The following SETD3 variants were observed in gnomAD, a reference collection of about 807,000 sequenced individuals.
The protein encoded by SETD3 is SET domain containing 3, actin N3(tau)-histidine methyltransferase.
SETD3 carries 19 observed loss-of-function variants against 63.0 expected under a neutral mutation model. The observed-to-expected ratio is 0.30, with a 90% confidence interval of 0.21 to 0.44. The LOEUF is 0.44. Among genes scored for constraint, SETD3 ranks in the 20% least tolerant of loss-of-function variants. The pLI, the probability that SETD3 is intolerant of heterozygous loss-of-function variation, is 1.00. For missense variants in SETD3, 587 were observed against 728.5 expected (o/e 0.81, Z 2.24); for synonymous variants, 286 against 264.1 (o/e 1.08, Z -0.80).
At chr14:99,484,790 A>G (rs1170192086), upstream of SETD3, among the ~76,000 whole-genome samples, 1 of 152,240 alleles carries the variant, frequency 6.6e-6, no homozygotes, top group Non-Finnish European at 1.5e-5. Flanking sequence ...GGGGATTTCG[A>G]TATTGGGTGA....
chr14:99,421,659 C>T (rs566798542), intron 6 of SETD3, among the ~76,000 whole-genome samples: 7 of 152,114 alleles, frequency 4.6e-5, no homozygotes, highest in East Asian at 1.9e-4. Context: ...CGCTCTGTGC[C>T]GGGCACTCTA....
intron 8 of SETD3, chr14:99,412,039 T>C (rs182833683): frequency 1.4e-4 from 21 of 152,368 alleles, no homozygotes; most frequent in South Asian, 1.0e-3. Flanking sequence ...TTCTTTATTC[T>C]ATTTATAATA....
At position 99,465,960 on chromosome 14, in the gene SETD3, G is replaced by A. The variant is rs142438779; in HGVS notation, c.-8-147C>T. ...GAAGTTTTCTTCCAGAAAAAGAAATGTGTAGTATTAGTATCTAGAGGTTCT... is the reference window on the plus strand; with the variant it reads ...GAAGTTTTCTTCCAGAAAAAGAAATATGTAGTATTAGTATCTAGAGGTTCT... On this transcript the variant is annotated intron_variant, in intron 1 of 12. Transcript: ENST00000331768. The A allele has an allele frequency of 2.8e-5, 15 of 535,738 alleles. No individual in the cohort carries two copies. The East Asian group carries it at 3.7e-4, about 13-fold the overall frequency. The allele number at this position is 535,738 out of a possible 1,614,324, so 33.2% of individuals were successfully genotyped here. A position where few individuals can be genotyped will look rare whatever the true frequency, so the allele number is the denominator to read the frequency against.
chr14:99,465,788 T>C lies in SETD3; in HGVS notation c.18A>G (p.Arg6=), dbSNP rs1357991261. 6.2e-7 allele frequency: 1 copy of C among 1,613,918 alleles called. No individual in the cohort carries two copies. The highest frequency in any genetic ancestry group is 2.2e-5 in the East Asian group (1 of 44,874). The change falls in exon 2 of 13, where the codon CGA becomes CGG. Residue 6 remains arginine (R), a synonymous_variant. Coordinates refer to ENST00000331768, the MANE Select transcript of SETD3 (RefSeq NM_032233.3). ...CAGTGCCAGATTTCTGAGTTTTTAC[T>C]CGACTCTTCTTACCCATTTTTCTGA... MGKKS[R]VKTQKSGTGA...
chr14:99,470,715 C>G (rs568526610), intron 1 of SETD3, among the ~76,000 whole-genome samples: 1 of 152,320 alleles, frequency 6.6e-6, no homozygotes, highest in African/African-American at 2.4e-5. Context: ...AACCCATCTA[C>G]TATGAACTTG....
chr14:99,427,172 T>G (rs1163256024), intron 6 of SETD3, among the ~76,000 whole-genome samples: 1 of 152,208 alleles, frequency 6.6e-6, no homozygotes, highest in Non-Finnish European at 1.5e-5. Context: ...TACTTCAAAT[T>G]ATTCACAGAA....
At chr14:99,414,075 A>G (rs935122573) in intron 6 of SETD3, 141 bp from the exon 7 acceptor site, 11 of 721,158 alleles carry the variant, frequency 1.5e-5, no homozygotes, top group Non-Finnish European at 2.7e-5. Flanking sequence ...GCCGCGCTAC[A>G]GAGGGATCAT....
At position 99,464,903 on chromosome 14, in the gene SETD3, T is replaced by C. The variant is rs142465070; in HGVS notation, c.103+800A>G. Among the ~76,000 whole-genome samples, 149 of 152,218 alleles carry C rather than the reference T, an allele frequency of 9.8e-4. 1 individual carries two copies. The highest frequency in any genetic ancestry group is 3.4e-3 in the African/African-American group (143 of 41,552). On this transcript the variant is annotated intron_variant, in intron 2 of 12. Coordinates refer to ENST00000331768, the MANE Select transcript of SETD3 (RefSeq NM_032233.3). ...CACGCCTATAATCCCAGCACTTTGG[T>C]AGGCAGAGGTGGGAGGATCTCTCGA...
chr14:99,480,134 C>T (rs557839454), intron 1 of SETD3, among the ~76,000 whole-genome samples: 1 of 152,366 alleles, frequency 6.6e-6, no homozygotes, highest in East Asian at 1.9e-4. Flanking sequence ...GTCTTCCTAA[C>T]TGGACGGCGC....
intron 1 of SETD3, among the ~76,000 whole-genome samples, chr14:99,474,137 A>G (rs1461209651): frequency 6.6e-6 from 1 of 152,156 alleles, no homozygotes; most frequent in African/African-American, 2.4e-5. Flanking sequence ...CTTGGTCAAC[A>G]TGATGAGACC....
upstream of SETD3, among the ~76,000 whole-genome samples, chr14:99,485,521 T>C (rs929957694): frequency 3.3e-5 from 5 of 152,332 alleles, no homozygotes; most frequent in Admixed American, 6.5e-5. Context: ...CTTTTTATTA[T>C]CCCTTGACCA....
chr14:99,468,971 T>C (rs1895546690), intron 1 of SETD3, among the ~76,000 whole-genome samples: 1 of 152,320 alleles, frequency 6.6e-6, no homozygotes, highest in South Asian at 2.1e-4. Context: ...TAGGTCAGGT[T>C]ACAATCCTCA....
rs956374204 is a variant in SETD3 at position 99,420,942 on chromosome 14, G to A, written c.676-7008C>T. 7.7e-5 allele frequency among the ~76,000 whole-genome samples: 5 copies of A among 65,054 alleles called. No individual in the cohort carries two copies. In the East Asian group the frequency reaches 1.7e-3, roughly 23 times the overall value. The allele number at this position is 65,054 out of a possible 152,430, so 42.7% of individuals were successfully genotyped here. ...ATTTCCTCACTGGAAAAAGCCAGGC[G>A]AGGGCGGGGGGGGGGGGGGGGGGGG... On this transcript the variant is annotated intron_variant, in intron 6 of 12. Coordinates refer to ENST00000331768, the MANE Select transcript of SETD3 (RefSeq NM_032233.3).
chr14:99,418,497 A>G (rs1892398815), intron 6 of SETD3, among the ~76,000 whole-genome samples: 1 of 152,146 alleles, frequency 6.6e-6, no homozygotes, highest in Non-Finnish European at 1.5e-5. Flanking sequence ...GGGTGGATGC[A>G]ATTTTGCAAG....
In SETD3 at chr14:99,398,715, T is replaced by C. The variant is rs780309515; in HGVS notation, c.1749A>G (p.Gly583=). The change falls in exon 13 of 13, where the codon GGA becomes GGG. Residue 583 remains glycine (G), a synonymous_variant. Transcript: ENST00000331768. ...CTCCAGCAGTGCTGTCTGAAGAAGATCCTTTGGCGTCTTCAACTGCTCTTT... is the reference window on the plus strand; with the variant it reads ...CTCCAGCAGTGCTGTCTGAAGAAGACCCTTTGGCGTCTTCAACTGCTCTTT... The part of the protein sequence containing the change: ...ESKRAVEDAK[G]SSSDSTAGVK... The C allele has an allele frequency of 6.2e-7, 1 of 1,614,044 alleles. No individual in the cohort carries two copies. The highest frequency in any genetic ancestry group is 1.3e-5 in the African/African-American group (1 of 74,898).
chr14:99,476,034 G>C (rs1380580802), intron 1 of SETD3, among the ~76,000 whole-genome samples: 1 of 152,182 alleles, frequency 6.6e-6, no homozygotes, highest in African/African-American at 2.4e-5. Context: ...TCTCCAATAT[G>C]ATCGTCCCCA....
intron 6 of SETD3, among the ~76,000 whole-genome samples, chr14:99,434,990 G>A (rs1160593187): frequency 6.6e-6 from 1 of 151,482 alleles, no homozygotes; most frequent in East Asian, 1.9e-4. Context: ...CTATAGGAGG[G>A]TTACTAACTG....
intron 3 of SETD3, among the ~76,000 whole-genome samples, chr14:99,462,795 A>T (rs1262058790): frequency 2.6e-5 from 4 of 152,194 alleles, no homozygotes; most frequent in African/African-American, 9.7e-5. Flanking sequence ...AAGAGAGCAA[A>T]TAAAAAACAA....
intron 6 of SETD3, among the ~76,000 whole-genome samples, chr14:99,427,809 C>T (rs1892965463): frequency 6.6e-6 from 1 of 152,284 alleles, no homozygotes; most frequent in South Asian, 2.1e-4. Flanking sequence ...TGACGTGTCA[C>T]ACCAGGATAC....
Sources: allele counts gnomAD v4.1 joint callset (sites outside exome capture counted in the v4.1 genomes callset), GRCh38; gene constraint gnomAD v4.1.1; transcripts MANE v1.5; gene names NCBI Gene and HGNC (gene_info 2026-07-23, HGNC 2026-07-21).